MPDZ: variants seen among roughly 807,000 people sequenced by gnomAD.
MPDZ encodes the protein multiple PDZ domain protein.
MPDZ carries 234 observed loss-of-function variants against 239.1 expected under a neutral mutation model. The observed-to-expected ratio is 0.98, with a 90% confidence interval of 0.88 to 1.09. MPDZ has a LOEUF of 1.09. MPDZ is among the 50% of genes least tolerant of loss of function. The probability of loss-of-function intolerance (pLI) is 0.00; values close to 1 mark genes in which losing one functional copy is unlikely to be tolerated. For missense variants in MPDZ, 3,175 were observed against 2,510.0 expected, an observed-to-expected ratio of 1.26 and a Z score of -5.66; for synonymous variants, 1,048 against 881.3, an observed-to-expected ratio of 1.19 and a Z score of -3.35.
At chr9:13,169,639 G>C (rs1467336819) in intron 21 of MPDZ, among the ~76,000 whole-genome samples, 2 of 151,964 alleles carry the variant, frequency 1.3e-5, no homozygotes. Context: ...TCCCTCAGAA[G>C]ACAGAGAGGC....
intron 8 of MPDZ, among the ~76,000 whole-genome samples, chr9:13,218,984 T>C (rs1958712295): frequency 1.3e-5 from 2 of 151,962 alleles, no homozygotes; most frequent in African/African-American, 4.8e-5. Flanking sequence ...ATAACTTTTG[T>C]TTAAAAAATT....
chr9:13,209,758 C>T (rs939246179), intron 10 of MPDZ, among the ~76,000 whole-genome samples: 6 of 150,894 alleles, frequency 4.0e-5, no homozygotes, highest in East Asian at 1.9e-4. Flanking sequence ...ATCTACCCCC[C>T]AAAAAAAAGA....
intron 2 of MPDZ, among the ~76,000 whole-genome samples, chr9:13,249,949 G>A (rs1967489672): frequency 6.6e-6 from 1 of 152,138 alleles, no homozygotes; most frequent in Admixed American, 6.6e-5. Flanking sequence ...TCTTCTTTCA[G>A]TATTAAAAAT....
chr9:13,117,568 C>A (rs751892204), intron 39 of MPDZ, among the ~76,000 whole-genome samples: 2 of 150,466 alleles, frequency 1.3e-5, no homozygotes, highest in African/African-American at 4.9e-5. Flanking sequence ...TCCTTTCAAA[C>A]AAATACATGT....
rs1354855853 is a variant in MPDZ at position 13,143,503 on chromosome 9, T to A, written c.3803A>T (p.Asn1268Ile). Residue 1268 changes from asparagine (N) to isoleucine (I), a missense_variant, in exon 27 of 47, where the codon AAC becomes ATC. Physicochemically the swap from Asn to Ile is moderately radical, Grantham distance 149. Coordinates refer to ENST00000319217, the MANE Select transcript of MPDZ (RefSeq NM_001378778.1). Reference sequence around the variant, plus strand: ...GATTTGTAGAGAGTCAGCAAATGGGTTAGTGCTGCTGAAGTTGTACTTAGG... The same window carrying A: ...GATTTGTAGAGAGTCAGCAAATGGGATAGTGCTGCTGAAGTTGTACTTAGG... ...LYPKYNFSST[N>I]PFADSLQINA... 1 of 1,612,912 alleles carries A rather than the reference T, an allele frequency of 6.2e-7. No homozygotes were observed. The highest frequency in any genetic ancestry group is 8.5e-7 in the Non-Finnish European group (1 of 1,179,208).
chr9:13,172,173 A>C (rs1406107095), intron 21 of MPDZ, among the ~76,000 whole-genome samples: 1 of 152,136 alleles, frequency 6.6e-6, no homozygotes, highest in Non-Finnish European at 1.5e-5. Flanking sequence ...GCATGCAGTA[A>C]ATTTTAACTC....
rs778829710 is a variant in MPDZ at position 13,217,206 on chromosome 9, G to C, written c.1175C>G (p.Ala392Gly). The C allele has an allele frequency of 6.3e-7, 1 of 1,595,306 alleles. No homozygotes were observed. The highest frequency in any genetic ancestry group is 8.5e-7 in the Non-Finnish European group (1 of 1,171,642). Residue 392 changes from alanine (A) to glycine (G), a missense_variant, in exon 9 of 47, where the codon GCT becomes GGT. Transcript: ENST00000319217. ...KNVQGLGITI[A>G]GYIGDKKLEP... ...CAATTTTTTATCTCCAATGTAGCCA[G>C]CAATGGTAATTCCTAATCCTTGGAC...
chr9:13,270,997 A>C (rs534219465), intron 1 of MPDZ, among the ~76,000 whole-genome samples: 4 of 152,312 alleles, frequency 2.6e-5, no homozygotes, highest in African/African-American at 9.6e-5. Flanking sequence ...AGTCAAAATA[A>C]AGCATTGGGT....
intron 12 of MPDZ, among the ~76,000 whole-genome samples, chr9:13,200,904 T>C (rs1956306159): frequency 6.6e-6 from 1 of 152,036 alleles, no homozygotes; most frequent in South Asian, 2.1e-4. Context: ...GGACGGAACG[T>C]TCTGTAAATG....
intron 11 of MPDZ, 74 bp downstream of exon 11, chr9:13,205,830 TCTGAAATAGTAA>T: frequency 8.2e-7 from 1 of 1,225,556 alleles, no homozygotes; most frequent in Non-Finnish European, 1.1e-6. Flanking sequence ...TAAGAACCAT[TCTGAAATAGTAA>T]GTTACTTTGG....
intron 1 of MPDZ, among the ~76,000 whole-genome samples, chr9:13,275,394 C>A (rs1973936805): frequency 6.6e-6 from 1 of 152,194 alleles, no homozygotes; most frequent in Non-Finnish European, 1.5e-5. Flanking sequence ...AGCCAAAGAG[C>A]GAGGCTTGGT....
chr9:13,206,377 G>A (rs1956992694), intron 10 of MPDZ, among the ~76,000 whole-genome samples: 1 of 151,810 alleles, frequency 6.6e-6, no homozygotes, highest in Admixed American at 6.6e-5. Flanking sequence ...TAGGACACAG[G>A]CTTCTATGCC....
chr9:13,205,655 G>C (rs747177841), intron 11 of MPDZ, among the ~76,000 whole-genome samples: 3 of 152,076 alleles, frequency 2.0e-5, no homozygotes, highest in Non-Finnish European at 2.9e-5. Context: ...TTCCAACTGA[G>C]AAATGGTGAC....
intron 21 of MPDZ, among the ~76,000 whole-genome samples, chr9:13,173,960 A>G (rs542218441): frequency 1.3e-5 from 2 of 152,192 alleles, no homozygotes; most frequent in East Asian, 3.9e-4. Context: ...TCTCCCATTT[A>G]TCCTTCCTTT....
chr9:13,274,294 T>C (rs1246768327), intron 1 of MPDZ, among the ~76,000 whole-genome samples: 4 of 152,038 alleles, frequency 2.6e-5, no homozygotes, highest in African/African-American at 4.8e-5. Flanking sequence ...GGGTTTTTTT[T>C]CTTCTTTTTT....
intron 10 of MPDZ, among the ~76,000 whole-genome samples, chr9:13,213,419 A>G (rs1957876200): frequency 6.6e-6 from 1 of 152,112 alleles, no homozygotes; most frequent in South Asian, 2.1e-4. Context: ...CAAAATAAAA[A>G]TAGATTATAC....
intron 12 of MPDZ, among the ~76,000 whole-genome samples, chr9:13,204,243 C>A (rs1956741805): frequency 6.6e-6 from 1 of 151,936 alleles, no homozygotes; most frequent in South Asian, 2.1e-4. Flanking sequence ...AAGCACACAG[C>A]ACAACAGAAT....
chr9:13,138,088 G>T lies in MPDZ; in HGVS notation c.4069C>A (p.His1357Asn), dbSNP rs769628086. 1.2e-6 allele frequency: 2 copies of T among 1,613,478 alleles called. No homozygotes were observed. Among genetic ancestry groups the T allele is most frequent in the Admixed American group, 3.3e-5 (2 of 59,978 alleles). The change falls in exon 29 of 47, where the codon CAT (histidine) becomes AAT (asparagine). Residue 1357 changes from histidine (H) to asparagine (N), a missense_variant. Coordinates refer to ENST00000319217, the MANE Select transcript of MPDZ (RefSeq NM_001378778.1). ...GCAAGACTTAGGCCCAAACCACTAT[G>T]ACCTTTCTCCAGTTCAATCATATGC... ...ELHMIELEKG[H>N]SGLGLSLAGN... is the part of the protein sequence containing the mutation.
At position 13,196,160 on chromosome 9, in the gene MPDZ, T is replaced by A; in HGVS notation, c.1617A>T (p.Thr539=). ...DAQKQEAALL[T]KWQRIMGINY... ...TAATTCCCATAATCCTTTGCCATTTTGTCAGCAGAGCAGCTTCTTGTTTTT... is the reference window on the plus strand; with the variant it reads ...TAATTCCCATAATCCTTTGCCATTTAGTCAGCAGAGCAGCTTCTTGTTTTT... Residue 539 remains threonine (T), a synonymous_variant, in exon 13 of 47, where the codon ACA becomes ACT. Transcript: ENST00000319217. 1 of 1,603,546 alleles carries A rather than the reference T, an allele frequency of 6.2e-7. No homozygotes were observed. Among genetic ancestry groups the A allele is most frequent in the Non-Finnish European group, 8.5e-7 (1 of 1,174,072 alleles).
Sources: allele counts gnomAD v4.1 joint callset (sites outside exome capture counted in the v4.1 genomes callset), GRCh38; gene constraint gnomAD v4.1.1; transcripts MANE v1.5; gene names NCBI Gene and HGNC (gene_info 2026-07-23, HGNC 2026-07-21).